Variants in TTC12 observed in about 807,000 individuals in gnomAD.
TTC12 encodes tetratricopeptide repeat protein 12.
Under a neutral mutation model 90.1 loss-of-function variants are expected in TTC12, and 70 were observed. That is an observed-to-expected ratio of 0.78 (90% CI 0.64 to 0.95). The LOEUF is 0.95. TTC12 is among the 40% of genes least tolerant of loss of function. TTC12 has a pLI of 0.00. For synonymous variants in TTC12, 296 were observed against 311.5 expected (o/e 0.95, Z 0.53); for missense variants, 819 against 846.1 (o/e 0.97, Z 0.40).
intron 5 of TTC12, among the ~76,000 whole-genome samples, chr11:113,325,242 A>T (rs1390765997): frequency 6.6e-6 from 1 of 152,152 alleles, no homozygotes; most frequent in East Asian, 1.9e-4. Flanking sequence ...CCGAATGCAC[A>T]GATTTGGTCT....
chr11:113,343,601 G>A (rs1446724796), intron 12 of TTC12, among the ~76,000 whole-genome samples: 4 of 152,126 alleles, frequency 2.6e-5, no homozygotes, highest in African/African-American at 9.7e-5. Flanking sequence ...AGGGTGATGA[G>A]GTCCAAGTGA....
intron 12 of TTC12, 59 bp downstream of exon 12, chr11:113,341,984 G>A: frequency 6.9e-7 from 1 of 1,451,016 alleles, no homozygotes; most frequent in Non-Finnish European, 9.7e-7. Context: ...GAACTACGCT[G>A]TTGGGTGGAC....
intron 18 of TTC12, 43 bp downstream of exon 18, chr11:113,360,051 C>CTTGT: frequency 1.9e-6 from 2 of 1,054,236 alleles, no homozygotes; most frequent in African/African-American, 1.5e-5. Flanking sequence ...TTCCATTGTT[C>CTTGT]TTGTTTTGTT....
chr11:113,363,407 G>A (rs1249071601), intron 19 of TTC12, among the ~76,000 whole-genome samples: 2 of 152,232 alleles, frequency 1.3e-5, no homozygotes, highest in African/African-American at 4.8e-5. Context: ...AAATGATGTA[G>A]GTTCCTGAAG....
intron 13 of TTC12, among the ~76,000 whole-genome samples, chr11:113,348,782 T>G (rs1458110220): frequency 1.3e-5 from 2 of 152,118 alleles, no homozygotes; most frequent in East Asian, 3.9e-4. Flanking sequence ...AACCACACAT[T>G]GGAGAACAGG....
chr11:113,349,976 A>G, intron 13 of TTC12, 97 bp from the exon 14 acceptor site: 1 of 955,436 alleles, frequency 1.0e-6, no homozygotes, highest in South Asian at 1.4e-5. Context: ...TTTCACCCGG[A>G]TGCTGACTCC....
At chr11:113,338,932 G>A in intron 9 of TTC12, 98 bp downstream of exon 9, 12 of 1,057,638 alleles carry the variant, frequency 1.1e-5, no homozygotes, top group Non-Finnish European at 1.7e-5. Flanking sequence ...TTGGCCACTA[G>A]GCAGCGGCGG....
intron 10 of TTC12, among the ~76,000 whole-genome samples, chr11:113,340,458 C>G (rs1948618906): frequency 6.6e-6 from 1 of 152,246 alleles, no homozygotes; most frequent in Non-Finnish European, 1.5e-5. Context: ...GTCCCTCCGC[C>G]TGAGAGGCAC....
In TTC12 at chr11:113,316,321, T is replaced by C; in HGVS notation, c.58+6T>C. The C allele has an allele frequency of 7.4e-7, 1 of 1,358,306 alleles. No homozygotes were observed. The highest frequency in any genetic ancestry group is 1.5e-5 in the African/African-American group (1 of 68,166). 84.1% of individuals were successfully genotyped at this position (1,358,306 alleles called of 1,614,324 possible). On this transcript the variant is annotated splice_donor_region_variant and intron_variant, in intron 2 of 21. Transcript: ENST00000529221. The stretch of plus-strand genomic sequence containing the variant: ...TAAAAATGTGGATGAAATCTGTAAG[T>C]ACTAGTAAATCATAAATTAATTTCT...
chr11:113,324,143 AT>A, intron 4 of TTC12, 128 bp downstream of exon 4: 2 of 710,086 alleles, frequency 2.8e-6, no homozygotes, highest in South Asian at 3.6e-5. Flanking sequence ...AAACCTACTG[AT>A]CATCCCATTC....
At chr11:113,334,828 A>T in intron 7 of TTC12, 138 bp from the exon 8 acceptor site, 1 of 612,076 alleles carries the variant, frequency 1.6e-6, no homozygotes, top group Non-Finnish European at 2.9e-6. Context: ...TCACAAATGC[A>T]TAAAAAAGTT....
chr11:113,321,688 G>C (rs1555138560), intron 2 of TTC12, among the ~76,000 whole-genome samples: 1 of 152,194 alleles, frequency 6.6e-6, no homozygotes, highest in East Asian at 1.9e-4. Context: ...GGCCATGTGT[G>C]TTGCTTTGGC....
downstream of TTC12, chr11:113,368,375 A>G: frequency 6.5e-7 from 1 of 1,548,038 alleles, no homozygotes; most frequent in Non-Finnish European, 8.7e-7. Context: ...TCCAGGCAGC[A>G]TGGAAAATAC....
rs367779644 is a variant in TTC12, at chr11:113,352,168, G to A, written c.1407G>A (p.Ala469=). Residue 469 remains alanine, a synonymous_variant, in exon 16 of 22, where the codon GCG becomes GCA. Transcript: ENST00000529221. The part of the protein sequence containing the change: ...SAEPTTRRHM[A]ACEEFGDGCL... ...AGCCCACTACCCGAAGACACATGGCGGCCTGTGAGGAATTTGGGGATGGCT... is the reference window on the plus strand; with the variant it reads ...AGCCCACTACCCGAAGACACATGGCAGCCTGTGAGGAATTTGGGGATGGCT... The A allele has an allele frequency of 1.5e-5, 25 of 1,614,092 alleles. No individual in the cohort carries two copies. The African/African-American group carries it at 1.7e-4, about 11-fold the overall frequency.
At chr11:113,347,899 A>G (rs1195480775) in intron 13 of TTC12, among the ~76,000 whole-genome samples, 1 of 152,124 alleles carries the variant, frequency 6.6e-6, no homozygotes, top group African/African-American at 2.4e-5. Context: ...ATTTGGTCCT[A>G]TTGATCACTA....
intron 3 of TTC12, 72 bp from the exon 4 acceptor site, chr11:113,323,922 G>A (rs1947516750): frequency 1.6e-6 from 2 of 1,230,744 alleles, no homozygotes; most frequent in East Asian, 4.7e-5. Flanking sequence ...TGCCTTCTTG[G>A]TTTATATACA....
chr11:113,350,183 A>G lies in TTC12; in HGVS notation c.1247+18A>G. 1.9e-6 allele frequency: 3 copies of G among 1,545,174 alleles called. No individual in the cohort carries two copies. Among genetic ancestry groups the G allele is most frequent in the Non-Finnish European group, 2.7e-6 (3 of 1,119,070 alleles). ...GAAGAAAGGTAATTTTTTTATTTAT[A>G]GAAATTGACATTTCTTCTTCAGTCT... On this transcript the variant is annotated intron_variant, in intron 14 of 21. Transcript: ENST00000529221.
intron 12 of TTC12, among the ~76,000 whole-genome samples, chr11:113,343,725 G>A (rs1454338250): frequency 6.6e-6 from 1 of 152,160 alleles, no homozygotes; most frequent in Non-Finnish European, 1.5e-5. Flanking sequence ...AAATGAACCA[G>A]ACTGCCACCA....
chr11:113,340,607 G>A (rs2288159), intron 10 of TTC12, 57 bp from the exon 11 acceptor site: 13 of 1,378,240 alleles, frequency 9.4e-6, no homozygotes, highest in Non-Finnish European at 1.1e-5. Context: ...GTGTTGCAGC[G>A]AGACACCAGC....
Sources: gnomAD v4.1 joint callset for allele counts (sites outside exome capture counted in the v4.1 genomes callset) on GRCh38, gnomAD v4.1.1 for gene constraint, MANE v1.5 for transcripts, NCBI Gene and HGNC (gene_info 2026-07-23, HGNC 2026-07-21) for gene names.